Variants in EMP2 observed in about 807,000 individuals in gnomAD.
The protein encoded by EMP2 is epithelial membrane protein 2.
A neutral mutation model predicts 13.7 loss-of-function variants in EMP2; 19 were observed. The ratio of observed to expected loss-of-function variants is 1.38; its 90% CI spans 0.97 to 2.03. EMP2 has a LOEUF of 2.03. EMP2 is among the 30% of genes most tolerant of loss of function. The probability of loss-of-function intolerance (pLI) is 0.00; values close to 1 mark genes in which losing one functional copy is unlikely to be tolerated. For missense variants in EMP2, 253 were observed against 220.7 expected (o/e 1.15, Z -0.93); for synonymous variants, 97 against 84.7 (o/e 1.15, Z -0.80).
At chr16:10,571,865 G>A (rs931052475) in intron 1 of EMP2, among the ~76,000 whole-genome samples, 1 of 152,210 alleles carries the variant, frequency 6.6e-6, no homozygotes, top group African/African-American at 2.4e-5. Context: ...GGCGGTAGTG[G>A]TGTATACTGA....
rs189510247 is a variant in EMP2, at chr16:10,574,712, G to A, written c.-61+5837C>T. On this transcript the variant is annotated intron_variant, in intron 1 of 4. Coordinates refer to ENST00000359543, the MANE Select transcript of EMP2 (RefSeq NM_001424.6). ...GACTACAGGTGTGTGCCACCATGCC[G>A]GCTAATTTTTTGTATTTTTAGTAGA... is the stretch of plus-strand genomic sequence containing the variant. Among the ~76,000 whole-genome samples, 16 of 150,778 alleles carry A rather than the reference G, an allele frequency of 1.1e-4. 1 individual carries two copies. In the South Asian group the frequency reaches 1.3e-3, roughly 12 times the overall value.
chr16:10,572,466 G>T (rs1221392422), intron 1 of EMP2, among the ~76,000 whole-genome samples: 1 of 151,832 alleles, frequency 6.6e-6, no homozygotes, highest in East Asian at 1.9e-4. Context: ...AAAGATTTAG[G>T]TTTCTCTTGA....
chr16:10,533,374 T>G (rs144809800), intron 4 of EMP2, among the ~76,000 whole-genome samples: 44 of 152,272 alleles, frequency 2.9e-4, no homozygotes, highest in African/African-American at 1.0e-3. Flanking sequence ...TATTTTAGTC[T>G]ATTGGAAAAA....
At chr16:10,542,945 A>C (rs1487430419) in intron 3 of EMP2, among the ~76,000 whole-genome samples, 1 of 152,196 alleles carries the variant, frequency 6.6e-6, no homozygotes, top group African/African-American at 2.4e-5. Flanking sequence ...TCCTGGATTC[A>C]AGCAATTCTC....
intron 1 of EMP2, among the ~76,000 whole-genome samples, chr16:10,572,571 C>T (rs1049231728): frequency 6.6e-6 from 1 of 152,134 alleles, no homozygotes; most frequent in African/African-American, 2.4e-5. Flanking sequence ...AGTAAGCGGC[C>T]AATAAATATT....
At chr16:10,556,303 G>A (rs1287388666) in intron 1 of EMP2, among the ~76,000 whole-genome samples, 1 of 151,182 alleles carries the variant, frequency 6.6e-6, no homozygotes, top group African/African-American at 2.4e-5. Context: ...ATCATTTCAA[G>A]TCTTCTGTTG....
Position 10,543,566 on chromosome 16 carries a change from T to G in EMP2, c.169+4A>C, listed in dbSNP as rs759559413. On this transcript the variant is annotated splice_donor_region_variant and intron_variant, in intron 3 of 4. Coordinates refer to ENST00000359543, the MANE Select transcript of EMP2 (RefSeq NM_001424.6). ...CTCAGTCAGCTTCCTTCATTCACAC[T>G]TACCTTGAAAGCTGTCATTGATGAC... The G allele has an allele frequency of 9.9e-6, 16 of 1,614,010 alleles. No homozygotes were observed. Among genetic ancestry groups the G allele is most frequent in the Non-Finnish European group, 1.4e-5 (16 of 1,179,940 alleles).
rs986194174 is a variant in EMP2, at chr16:10,532,341, G to A, written c.*564C>T. 6 of 152,868 alleles carry A rather than the reference G, an allele frequency of 3.9e-5. No individual in the cohort carries two copies. Among genetic ancestry groups the A allele is most frequent in the Non-Finnish European group, 8.8e-5 (6 of 68,250 alleles). 9.5% of individuals were successfully genotyped at this position (152,868 alleles called of 1,614,324 possible). A position where few individuals can be genotyped will look rare whatever the true frequency, so the allele number is the denominator to read the frequency against. Reference sequence around the variant, plus strand: ...TTTTCTGACCCACCCCGATACCGGAGGGATGGCTGGGCTCTGGTTTGGATA... The same window carrying A: ...TTTTCTGACCCACCCCGATACCGGAAGGATGGCTGGGCTCTGGTTTGGATA... On this transcript the variant is annotated 3_prime_UTR_variant, in exon 5 of 5. Transcript: ENST00000359543.
At chr16:10,575,539 G>A (rs1222995549) in intron 1 of EMP2, among the ~76,000 whole-genome samples, 1 of 151,858 alleles carries the variant, frequency 6.6e-6, no homozygotes, top group Non-Finnish European at 1.5e-5. Context: ...CAGGCGTGAG[G>A]AGCTTGCATT....
At chr16:10,549,977 C>G (rs1425412410) in intron 1 of EMP2, among the ~76,000 whole-genome samples, 1 of 150,356 alleles carries the variant, frequency 6.7e-6, no homozygotes, top group South Asian at 2.1e-4. Flanking sequence ...CCTCTGCCTC[C>G]CAGGTTCAAG....
At chr16:10,565,697 G>T (rs1380566855) in intron 1 of EMP2, among the ~76,000 whole-genome samples, 1 of 152,156 alleles carries the variant, frequency 6.6e-6, no homozygotes, top group Non-Finnish European at 1.5e-5. Flanking sequence ...GACTTGAGGT[G>T]GGGAGGGATC....
chr16:10,561,955 C>T (rs1034151560), intron 1 of EMP2, among the ~76,000 whole-genome samples: 1 of 152,154 alleles, frequency 6.6e-6, no homozygotes, highest in African/African-American at 2.4e-5. Flanking sequence ...GAGGAAACTC[C>T]AGGCCCAGAT....
intron 1 of EMP2, among the ~76,000 whole-genome samples, chr16:10,567,834 T>G (rs892118464): frequency 2.8e-4 from 43 of 152,112 alleles, no homozygotes; most frequent in Non-Finnish European, 2.1e-4. Flanking sequence ...AAGGGGGAAA[T>G]GGAAGAATTG....
intron 3 of EMP2, among the ~76,000 whole-genome samples, chr16:10,542,160 G>C (rs966433314): frequency 1.3e-5 from 2 of 152,048 alleles, no homozygotes; most frequent in East Asian, 3.9e-4. Context: ...TCCTCCTTTA[G>C]GCTGAGGTGG....
At chr16:10,557,136 C>T (rs939163150) in intron 1 of EMP2, among the ~76,000 whole-genome samples, 5 of 152,114 alleles carry the variant, frequency 3.3e-5, no homozygotes, top group African/African-American at 4.8e-5. Flanking sequence ...GCGGGCAGAT[C>T]GCTTGAGGCC....
intron 1 of EMP2, among the ~76,000 whole-genome samples, chr16:10,555,241 A>C (rs538767708): frequency 6.6e-6 from 1 of 152,294 alleles, no homozygotes; most frequent in South Asian, 2.1e-4. Context: ...ATCTTTCAGG[A>C]GTCAGTGATG....
intron 1 of EMP2, among the ~76,000 whole-genome samples, chr16:10,557,611 G>C (rs1318641245): frequency 1.3e-5 from 2 of 152,082 alleles, no homozygotes; most frequent in Non-Finnish European, 2.9e-5. Flanking sequence ...CTTTTTCTGA[G>C]TATCCAGAAA....
At chr16:10,568,984 C>T (rs1008704996) in intron 1 of EMP2, among the ~76,000 whole-genome samples, 15 of 152,068 alleles carry the variant, frequency 9.9e-5, no homozygotes, top group African/African-American at 2.4e-4. Context: ...GATGGGGTTT[C>T]GCCATGTTGG....
intron 1 of EMP2, among the ~76,000 whole-genome samples, chr16:10,570,577 T>C (rs566445111): frequency 2.0e-5 from 3 of 152,322 alleles, no homozygotes; most frequent in African/African-American, 7.2e-5. Context: ...TTTGTATTTT[T>C]AGTAGAAACA....
Sources: gnomAD v4.1 joint callset for allele counts (sites outside exome capture counted in the v4.1 genomes callset) on GRCh38, gnomAD v4.1.1 for gene constraint, MANE v1.5 for transcripts, NCBI Gene and HGNC (gene_info 2026-07-23, HGNC 2026-07-21) for gene names.